Variants in ACY3 observed in about 807,000 individuals in gnomAD.
The protein encoded by ACY3 is N-acyl-aromatic-L-amino acid amidohydrolase (carboxylate-forming).
A neutral mutation model predicts 24.6 loss-of-function variants in ACY3; 20 were observed. That is an observed-to-expected ratio of 0.81 (90% CI 0.57 to 1.18). The LOEUF is 1.18. Ranked by LOEUF, ACY3 falls within the 50% of genes most tolerant of loss-of-function variation. ACY3 has a pLI of 0.00. For missense variants in ACY3, 423 were observed against 426.8 expected (o/e 0.99, Z 0.08); for synonymous variants, 174 against 188.4 (o/e 0.92, Z 0.62).
intron 6 of ACY3, 23 bp from the exon 7 acceptor site, chr11:67,644,892 G>A (rs764689932): frequency 6.2e-7 from 1 of 1,607,050 alleles, no homozygotes; most frequent in African/African-American, 1.3e-5. Flanking sequence ...CTGGGTGTGT[G>A]AGCCCATCCC....
rs772466485 is a variant in ACY3 at position 67,644,796 on chromosome 11, G to A, written c.708C>T (p.Ala236=). ...GATGCACAGTGCCTGCCAGGTGCCC[G>A]GCCTCGGTGCGGGGGAAGTCCACGA... ...VGVVDFPRTE[A]GHLAGTVHPQ... Residue 236 remains alanine, a synonymous_variant, in exon 7 of 8, where the codon GCC becomes GCT. Transcript: ENST00000255082. 1.2e-5 allele frequency: 18 copies of A among 1,564,306 alleles called. No individual in the cohort carries two copies. Among genetic ancestry groups the A allele is most frequent in the East Asian group, 9.6e-5 (4 of 41,874 alleles).
At chr11:67,649,783 G>A (rs1855589091) in intron 1 of ACY3, among the ~76,000 whole-genome samples, 1 of 149,480 alleles carries the variant, frequency 6.7e-6, no homozygotes, top group Non-Finnish European at 1.5e-5. Flanking sequence ...GCGTGTGTAC[G>A]TGTGTGCATG....
intron 4 of ACY3, 143 bp downstream of exon 4, chr11:67,645,549 G>A (rs1591130913): frequency 1.6e-6 from 2 of 1,244,888 alleles, no homozygotes; most frequent in Admixed American, 5.3e-5. Flanking sequence ...GTGCTGGCGA[G>A]TGGCAGACCC....
At chr11:67,646,062 C>G (rs1479355651) in intron 3 of ACY3, among the ~76,000 whole-genome samples, 175 bp from the exon 4 acceptor site, 1 of 152,196 alleles carries the variant, frequency 6.6e-6, no homozygotes, top group African/African-American at 2.4e-5. Flanking sequence ...TGGCTCTGCA[C>G]TTCCCGGTAA....
At chr11:67,650,107 A>G (rs1855600366) in intron 1 of ACY3, among the ~76,000 whole-genome samples, 2 of 152,146 alleles carry the variant, frequency 1.3e-5, no homozygotes, top group Non-Finnish European at 2.9e-5. Flanking sequence ...AAGCTTGAAA[A>G]TGGGCACATG....
rs924314893 is a variant in ACY3 at position 67,650,616 on chromosome 11, G to C, written c.-128C>G. The C allele has an allele frequency of 1.3e-5, 2 of 152,168 alleles. No homozygotes were observed. Among genetic ancestry groups the C allele is most frequent in the Non-Finnish European group, 2.9e-5 (2 of 68,054 alleles). The allele number at this position is 152,168 out of a possible 1,614,324, so 9.4% of individuals were successfully genotyped here. Reference sequence around the variant, plus strand: ...CCCCAGAGGGTTGAGGGTGACTCCCGGGGATCTTCTGCTTGCTGCGTGGCC... The same window carrying C: ...CCCCAGAGGGTTGAGGGTGACTCCCCGGGATCTTCTGCTTGCTGCGTGGCC... On this transcript the variant is annotated 5_prime_UTR_variant, in exon 1 of 8. Coordinates refer to ENST00000255082, the MANE Select transcript of ACY3 (RefSeq NM_080658.2).
chr11:67,642,815 T>G lies in ACY3; in HGVS notation c.869A>C (p.Glu290Ala). 6.2e-7 allele frequency: 1 copy of G among 1,614,148 alleles called. No individual in the cohort carries two copies. The change falls in exon 8 of 8, where the codon GAG becomes GCG. Residue 290 changes from glutamate (E) to alanine (A), a missense_variant. By Grantham distance (107) the Glu-to-Ala change is moderately radical. Coordinates refer to ENST00000255082, the MANE Select transcript of ACY3 (RefSeq NM_080658.2). ...AGTCTGGACAAAGGCAACGCCCTTC[T>G]CATAGTAGGCAGCCTCGTTAATGAA... ...PVFINEAAYY[E>A]KGVAFVQTEK...
chr11:67,644,133 G>A (rs377713034), intron 7 of ACY3, among the ~76,000 whole-genome samples: 6 of 152,234 alleles, frequency 3.9e-5, no homozygotes, highest in African/African-American at 1.4e-4. Flanking sequence ...GGACGGGATG[G>A]TGCTGCCTCC....
chr11:67,644,454 C>T (rs939946090), intron 7 of ACY3, among the ~76,000 whole-genome samples: 1 of 152,170 alleles, frequency 6.6e-6, no homozygotes, highest in Non-Finnish European at 1.5e-5. Context: ...GCTCCATGTC[C>T]CCTCCCTCTG....
chr11:67,649,554 GC>G (rs1194520727), intron 1 of ACY3, among the ~76,000 whole-genome samples: 2 of 145,080 alleles, frequency 1.4e-5, no homozygotes, highest in Non-Finnish European at 2.9e-5. Flanking sequence ...GTGTGTGCAT[GC>G]ATGTGTGCAT....
intron 3 of ACY3, among the ~76,000 whole-genome samples, chr11:67,646,293 C>G (rs146543336): frequency 4.6e-5 from 7 of 152,232 alleles, no homozygotes; most frequent in Admixed American, 3.9e-4. Context: ...CTCCAGGAAG[C>G]CTTCCCTGAC....
chr11:67,650,238 C>T (rs567309553), intron 1 of ACY3, among the ~76,000 whole-genome samples: 1 of 152,230 alleles, frequency 6.6e-6, no homozygotes, highest in African/African-American at 2.4e-5. Context: ...TGTGGTTCCC[C>T]CCTGTGTCAG....
At position 67,646,973 on chromosome 11, in the gene ACY3, T is replaced by TC. The variant is rs1855530085; in HGVS notation, c.70dup (p.Glu24GlyfsTer45). On this transcript the variant is annotated frameshift_variant, in exon 3 of 8. Transcript: ENST00000255082. LOFTEE classifies it high-confidence loss of function. ...CCGGGCCAGGTAGACGCCCGACATC[T>TC]CGTTGCCATGCGTGCCCCCAGTCAC... 9 of 1,578,184 alleles carry TC rather than the reference T, an allele frequency of 5.7e-6. No homozygotes were observed. The highest frequency in any genetic ancestry group is 7.7e-6 in the Non-Finnish European group (9 of 1,161,534).
chr11:67,646,408 C>T (rs1026262882), intron 3 of ACY3, among the ~76,000 whole-genome samples: 3 of 152,242 alleles, frequency 2.0e-5, no homozygotes, highest in Non-Finnish European at 4.4e-5. Flanking sequence ...AAGCTTGAAG[C>T]CAACACCTTG....
Position 67,644,913 on chromosome 11 carries a change from C to G in ACY3, c.635-44G>C, listed in dbSNP as rs757130692. 1.9e-6 allele frequency: 3 copies of G among 1,602,322 alleles called. No homozygotes were observed. In the South Asian group the frequency reaches 3.3e-5, roughly 18 times the overall value. On this transcript the variant is annotated intron_variant, in intron 6 of 7. Coordinates refer to ENST00000255082, the MANE Select transcript of ACY3 (RefSeq NM_080658.2). ...GTGTGAGCCCATCCCTCCCTCCAGG[C>G]TAGGGGACAGACTGGGCCGTGGGGG...
chr11:67,648,991 AG>A (rs1237966795), intron 1 of ACY3, among the ~76,000 whole-genome samples: 1 of 151,990 alleles, frequency 6.6e-6, no homozygotes. Context: ...GACTGCCATT[AG>A]GGGGCCATGC....
At position 67,643,069 on chromosome 11, in the gene ACY3, T is replaced by G. The variant is rs148125347; in HGVS notation, c.745-130A>C. On this transcript the variant is annotated intron_variant, in intron 7 of 7. Coordinates refer to ENST00000255082, the MANE Select transcript of ACY3 (RefSeq NM_080658.2). ...TTTTCCCACCCATGCTTCACTTCCT[T>G]AATCCATATGACAGCAGGTCTGGTG... 1,882 of 775,400 alleles carry G rather than the reference T, an allele frequency of 2.4e-3. 3 individuals are homozygous for G. Among genetic ancestry groups the G allele is most frequent in the Admixed American group, 3.8e-3 (170 of 44,878 alleles). The allele number at this position is 775,400 out of a possible 1,614,324, so 48.0% of individuals were successfully genotyped here.
At chr11:67,645,481 T>A in intron 4 of ACY3, 101 bp from the exon 5 acceptor site, 7 of 1,348,976 alleles carry the variant, frequency 5.2e-6, no homozygotes, top group East Asian at 2.5e-5. Context: ...CCACCCTCCT[T>A]GGCCAGGTCT....
chr11:67,647,017 C>G lies in ACY3; in HGVS notation c.27G>C (p.Glu9Asp). The change falls in exon 3 of 8, where the codon GAG (glutamate) becomes GAC (aspartate). Residue 9 changes from glutamate to aspartate, a missense_variant. By Grantham distance (45) the Glu-to-Asp change is conservative. Coordinates refer to ENST00000255082, the MANE Select transcript of ACY3 (RefSeq NM_080658.2). MCSLPVPR[E>D]PLRRVAVTGG... Reference sequence around the variant, plus strand: ...CAGTCACAGCCACGCGACGCAGGGGCTCCCGGGGCACAGGCAGTGAGCACA... The same window carrying G: ...CAGTCACAGCCACGCGACGCAGGGGGTCCCGGGGCACAGGCAGTGAGCACA... The G allele has an allele frequency of 3.2e-6, 5 of 1,547,280 alleles. No homozygotes were observed. The highest frequency in any genetic ancestry group is 3.5e-6 in the Non-Finnish European group (4 of 1,144,166).
Sources: gnomAD v4.1 joint callset for allele counts (sites outside exome capture counted in the v4.1 genomes callset) on GRCh38, gnomAD v4.1.1 for gene constraint, MANE v1.5 for transcripts, NCBI Gene and HGNC (gene_info 2026-07-23, HGNC 2026-07-21) for gene names.